The following RFPL1 variants were observed in gnomAD, a reference collection of about 807,000 sequenced individuals.
The protein encoded by RFPL1 is ret finger protein-like 1.
RFPL1 carries 6 observed loss-of-function variants against 9.6 expected under a neutral mutation model. The ratio of observed to expected loss-of-function variants is 0.62; its 90% CI spans 0.34 to 1.23. The LOEUF (loss-of-function observed/expected upper bound fraction) is 1.23, where lower values mean the gene tolerates loss of function less well. Ranked by LOEUF, RFPL1 falls within the 50% of genes most tolerant of loss-of-function variation. The pLI is 0.03. For synonymous variants in RFPL1, 145 were observed against 149.4 expected (o/e 0.97, Z 0.22); for missense variants, 352 against 398.4 (o/e 0.88, Z 0.99).
At chr22:29,420,371 C>T in the RFPL1 span, among the ~76,000 whole-genome samples, 2 of 152,198 alleles carry the variant, frequency 1.3e-5, no homozygotes, top group Non-Finnish European at 2.9e-5. Context: ...CGCTCTGTCA[C>T]CCAGGCTGGA....
At chr22:29,392,468 C>A in the RFPL1 span, among the ~76,000 whole-genome samples, 1 of 138,592 alleles carries the variant, frequency 7.2e-6, no homozygotes, top group African/African-American at 2.7e-5. Flanking sequence ...TGGTTCACTG[C>A]AACTTCTGCC....
the RFPL1 span, among the ~76,000 whole-genome samples, chr22:29,403,889 G>A: frequency 6.6e-6 from 1 of 152,198 alleles, no homozygotes; most frequent in Non-Finnish European, 1.5e-5. Context: ...CCTTGCAAAT[G>A]CATTTAAACC....
At chr22:29,428,727 A>C in the RFPL1 span, among the ~76,000 whole-genome samples, 1 of 152,250 alleles carries the variant, frequency 6.6e-6, no homozygotes, top group Non-Finnish European at 1.5e-5. Context: ...AAATCAAGTC[A>C]CATGCTACTG....
At chr22:29,412,667 A>G in the RFPL1 span, among the ~76,000 whole-genome samples, 9 of 152,176 alleles carry the variant, frequency 5.9e-5, no homozygotes, top group African/African-American at 9.7e-5. Flanking sequence ...GGGAAGACAC[A>G]TTAGGCCCCA....
chr22:29,393,892 T>C, the RFPL1 span, among the ~76,000 whole-genome samples: 1 of 152,236 alleles, frequency 6.6e-6, no homozygotes, highest in African/African-American at 2.4e-5. Flanking sequence ...GCCAGGCTAG[T>C]CTCGGAACTC....
chr22:29,403,694 C>T, the RFPL1 span, among the ~76,000 whole-genome samples: 1 of 152,236 alleles, frequency 6.6e-6, no homozygotes, highest in African/African-American at 2.4e-5. Flanking sequence ...TCCTTAAACA[C>T]ATCTTCACAC....
At chr22:29,441,738 A>T (rs1323931976) in exon 2 of RFPL1, 1 of 1,614,004 alleles carries the variant, frequency 6.2e-7, no homozygotes, top group Admixed American at 1.7e-5. Context: ...GAACAAGCAC[A>T]GAATGGGACC....
the RFPL1 span, among the ~76,000 whole-genome samples, chr22:29,416,525 T>G: frequency 3.9e-5 from 6 of 152,206 alleles, no homozygotes; most frequent in African/African-American, 1.2e-4. Flanking sequence ...CTTAGGTATC[T>G]GGTCCTTGAT....
the RFPL1 span, among the ~76,000 whole-genome samples, chr22:29,423,875 C>T: frequency 6.6e-6 from 1 of 152,196 alleles, no homozygotes; most frequent in Non-Finnish European, 1.5e-5. Flanking sequence ...CTCAGGACAT[C>T]TCCTAGAGCA....
At chr22:29,437,332 C>T (rs1746796974), upstream of RFPL1, 2 of 322,028 alleles carry the variant, frequency 6.2e-6, no homozygotes, top group Admixed American at 9.7e-5. Flanking sequence ...ATACTTAATA[C>T]TTCAGGTTTC....
At chr22:29,396,338 GCACTCTCTCT>G in the RFPL1 span, among the ~76,000 whole-genome samples, 1 of 152,142 alleles carries the variant, frequency 6.6e-6, no homozygotes, top group Admixed American at 6.5e-5. Flanking sequence ...TAGATCTCTT[GCACTCTCTCT>G]CACTCTCTCT....
chr22:29,419,178 C>T, the RFPL1 span: 2,176 of 1,608,140 alleles, frequency 1.4e-3, 4 homozygotes, highest in Non-Finnish European at 1.7e-3. Context: ...CCACGGTCAT[C>T]GATGCAATCA....
chr22:29,439,843 G>C (rs1403015852), intron 1 of RFPL1: 1 of 152,366 alleles, frequency 6.6e-6, no homozygotes, highest in South Asian at 2.1e-4. Context: ...CCAGGACTCT[G>C]ACATTTAAAT....
the RFPL1 span, among the ~76,000 whole-genome samples, chr22:29,391,668 A>T: frequency 6.6e-6 from 1 of 152,166 alleles, no homozygotes; most frequent in African/African-American, 2.4e-5. Context: ...GGAAGATGGC[A>T]TTTGCGCTGT....
chr22:29,404,292 C>T, the RFPL1 span, among the ~76,000 whole-genome samples: 13,004 of 151,608 alleles, frequency 0.086, 10 homozygotes, highest in Middle Eastern at 0.13. Flanking sequence ...AGCCAAAGTG[C>T]GTGTTTTCTC....
chr22:29,421,458 C>G, the RFPL1 span, among the ~76,000 whole-genome samples: 4 of 150,986 alleles, frequency 2.6e-5, no homozygotes, highest in Non-Finnish European at 5.9e-5. Flanking sequence ...AAACCCACCC[C>G]TGGGACTCCA....
chr22:29,420,112 A>T, the RFPL1 span, among the ~76,000 whole-genome samples: 1 of 152,220 alleles, frequency 6.6e-6, no homozygotes, highest in Non-Finnish European at 1.5e-5. Context: ...CCTCTAAGAC[A>T]GCTTGCTCAG....
At chr22:29,405,218 A>G in the RFPL1 span, among the ~76,000 whole-genome samples, 79 of 152,278 alleles carry the variant, frequency 5.2e-4, no homozygotes, top group African/African-American at 1.9e-3. Context: ...GGAAGCCAGA[A>G]TTAGGATTGT....
the RFPL1 span, among the ~76,000 whole-genome samples, chr22:29,419,871 A>G: frequency 6.6e-6 from 1 of 152,100 alleles, no homozygotes; most frequent in African/African-American, 2.4e-5. Flanking sequence ...AACAGGAACC[A>G]TGGAAGCTAC....
Sources: gnomAD v4.1 joint callset for allele counts (sites outside exome capture counted in the v4.1 genomes callset) on GRCh38, gnomAD v4.1.1 for gene constraint, MANE v1.5 for transcripts, NCBI Gene and HGNC (gene_info 2026-07-23, HGNC 2026-07-21) for gene names.